PTPRO: variants seen among roughly 807,000 people sequenced by gnomAD.
PTPRO encodes receptor-type tyrosine-protein phosphatase O.
A neutral mutation model predicts 145.2 loss-of-function variants in PTPRO; 62 were observed. The ratio of observed to expected loss-of-function variants is 0.43; its 90% CI spans 0.35 to 0.53. The LOEUF (loss-of-function observed/expected upper bound fraction) is 0.53. PTPRO is among the 20% of genes least tolerant of loss of function. The pLI is 0.01. For synonymous variants in PTPRO, 565 were observed against 514.7 expected, an observed-to-expected ratio of 1.10 and a Z score of -1.32; for missense variants, 1,345 against 1,482.7, an observed-to-expected ratio of 0.91 and a Z score of 1.53.
chr12:15,493,629 A>G (rs952801841), intron 2 of PTPRO, among the ~76,000 whole-genome samples: 1 of 152,212 alleles, frequency 6.6e-6, no homozygotes, highest in African/African-American at 2.4e-5. Context: ...CAAAAATTAA[A>G]AAGACTGATA....
chr12:15,356,586 CTCT>C (rs931548342), intron 1 of PTPRO, among the ~76,000 whole-genome samples: 1 of 152,062 alleles, frequency 6.6e-6, no homozygotes, highest in African/African-American at 2.4e-5. Context: ...GGACATTGTT[CTCT>C]TCTTCTTCCC....
At chr12:15,450,528 C>T (rs1317080177) in intron 1 of PTPRO, among the ~76,000 whole-genome samples, 2 of 152,132 alleles carry the variant, frequency 1.3e-5, no homozygotes, top group Admixed American at 1.3e-4. Flanking sequence ...AATCCCAGCA[C>T]GTTGGGAGGC....
chr12:15,402,785 T>A (rs1939536825), intron 1 of PTPRO, among the ~76,000 whole-genome samples: 1 of 152,100 alleles, frequency 6.6e-6, no homozygotes, highest in Admixed American at 6.6e-5. Context: ...TAGAGAATAA[T>A]AAGAGAATAG....
At chr12:15,552,693 T>G (rs758589072) in intron 15 of PTPRO, among the ~76,000 whole-genome samples, 1 of 152,018 alleles carries the variant, frequency 6.6e-6, no homozygotes, top group Non-Finnish European at 1.5e-5. Flanking sequence ...ATAAGCTTCT[T>G]GAAGGTTGGC....
chr12:15,376,364 C>CA (rs1169060227), intron 1 of PTPRO, among the ~76,000 whole-genome samples: 7 of 152,000 alleles, frequency 4.6e-5, no homozygotes, highest in Non-Finnish European at 1.0e-4. Context: ...AACTATCTTT[C>CA]AAAAATGAAG....
chr12:15,363,768 C>T (rs1273279705), intron 1 of PTPRO, among the ~76,000 whole-genome samples: 1 of 151,944 alleles, frequency 6.6e-6, no homozygotes, highest in Non-Finnish European at 1.5e-5. Flanking sequence ...ACTTACAGCT[C>T]TTTGCAAAAA....
At chr12:15,424,199 A>G (rs147648957) in intron 1 of PTPRO, among the ~76,000 whole-genome samples, 40 of 152,326 alleles carry the variant, frequency 2.6e-4, no homozygotes, top group African/African-American at 9.4e-4. Flanking sequence ...CATAGAGTGT[A>G]TTCTATTTTA....
Position 15,501,969 on chromosome 12 carries a change from T to C in PTPRO, c.1011T>C (p.Ser337=), listed in dbSNP as rs1942231362. The change falls in exon 5 of 27, where the codon TCT becomes TCC. Residue 337 remains serine (S), a synonymous_variant. Coordinates refer to ENST00000281171, the MANE Select transcript of PTPRO (RefSeq NM_030667.3). ...LSETEKSTSG[S]FSFFPVQMIL... ...AGACAGAGAAGTCAACATCAGGCTC[T>C]TTCTCCTTTTTCCCTGTGCAAATGA... The C allele has an allele frequency of 6.2e-7, 1 of 1,614,036 alleles. No homozygotes were observed. Among genetic ancestry groups the C allele is most frequent in the Non-Finnish European group, 8.5e-7 (1 of 1,179,910 alleles).
At chr12:15,504,650 T>C (rs757633514) in intron 6 of PTPRO, among the ~76,000 whole-genome samples, 6 of 152,182 alleles carry the variant, frequency 3.9e-5, no homozygotes, top group African/African-American at 1.4e-4. Context: ...TGCCTGCCTC[T>C]ATAACGTGTT....
At chr12:15,346,026 A>G (rs1182738310) in intron 1 of PTPRO, among the ~76,000 whole-genome samples, 1 of 152,160 alleles carries the variant, frequency 6.6e-6, no homozygotes, top group Non-Finnish European at 1.5e-5. Context: ...TTTGCTTAAT[A>G]TGATAGGTCT....
chr12:15,405,079 A>G (rs1939609160), intron 1 of PTPRO, among the ~76,000 whole-genome samples: 1 of 152,142 alleles, frequency 6.6e-6, no homozygotes, highest in African/African-American at 2.4e-5. Flanking sequence ...ATTACCTTCC[A>G]AAAGCTCCAC....
intron 25 of PTPRO, among the ~76,000 whole-genome samples, chr12:15,593,936 C>A (rs1013358833): frequency 1.3e-4 from 20 of 152,086 alleles, no homozygotes; most frequent in Non-Finnish European, 2.6e-4. Context: ...CTTCAAAAAT[C>A]ATTTAATAAA....
At chr12:15,533,277 A>T (rs983629416) in intron 12 of PTPRO, among the ~76,000 whole-genome samples, 2 of 152,220 alleles carry the variant, frequency 1.3e-5, no homozygotes, top group African/African-American at 4.8e-5. Context: ...CTTAGGATCA[A>T]TAACCTTTTT....
At chr12:15,587,544 A>G (rs12300857) in intron 24 of PTPRO, among the ~76,000 whole-genome samples, 1,573 of 152,338 alleles carry the variant, frequency 0.01, 29 homozygotes, top group African/African-American at 0.036. Flanking sequence ...TCAGCTTAGG[A>G]AGATAAACAT....
intron 23 of PTPRO, among the ~76,000 whole-genome samples, chr12:15,582,679 A>T (rs1277960498): frequency 6.6e-6 from 1 of 152,194 alleles, no homozygotes; most frequent in Non-Finnish European, 1.5e-5. Flanking sequence ...AAATTAAATA[A>T]TTAAACCCTG....
chr12:15,585,423 C>T (rs1284880317), intron 23 of PTPRO, among the ~76,000 whole-genome samples: 1 of 152,098 alleles, frequency 6.6e-6, no homozygotes, highest in Non-Finnish European at 1.5e-5. Context: ...TGTGTCTAAG[C>T]CAGAGCCCTT....
At chr12:15,377,037 C>T (rs1374409466) in intron 1 of PTPRO, among the ~76,000 whole-genome samples, 1 of 151,988 alleles carries the variant, frequency 6.6e-6, no homozygotes, top group East Asian at 1.9e-4. Context: ...GATGTAATTT[C>T]TATGAAAATA....
At chr12:15,461,063 A>G (rs1276858865) in intron 1 of PTPRO, among the ~76,000 whole-genome samples, 1 of 152,174 alleles carries the variant, frequency 6.6e-6, no homozygotes, top group Non-Finnish European at 1.5e-5. Flanking sequence ...CCTCTCTGGC[A>G]TTAATATGAA....
rs1393061745 is a variant in PTPRO, at chr12:15,499,543, A to G, written c.610A>G (p.Thr204Ala). 6.2e-7 allele frequency: 1 copy of G among 1,613,868 alleles called. No individual in the cohort carries two copies. The highest frequency in any genetic ancestry group is 8.5e-7 in the Non-Finnish European group (1 of 1,179,784). Reference sequence around the variant, plus strand: ...ATCTGAGGCAACTTTTAATAAAAGTACCCTTGTTGAGTACAGTGGTGTCAG... The same window carrying G: ...ATCTGAGGCAACTTTTAATAAAAGTGCCCTTGTTGAGTACAGTGGTGTCAG... ...LVSEATFNKS[T>A]LVEYSGVSHE... Residue 204 changes from threonine (T) to alanine (A), a missense_variant, in exon 4 of 27, where the codon ACC becomes GCC. Physicochemically the swap from Thr to Ala is moderately conservative, Grantham distance 58. Coordinates refer to ENST00000281171, the MANE Select transcript of PTPRO (RefSeq NM_030667.3).
Sources: gnomAD v4.1 joint callset for allele counts (sites outside exome capture counted in the v4.1 genomes callset) on GRCh38, gnomAD v4.1.1 for gene constraint, MANE v1.5 for transcripts, NCBI Gene and HGNC (gene_info 2026-07-23, HGNC 2026-07-21) for gene names.